SEC31B: variants seen among roughly 807,000 people sequenced by gnomAD.
SEC31B encodes the protein protein transport protein Sec31B.
In SEC31B, 113 loss-of-function variants were observed where a neutral mutation model predicts 135.0. That is an observed-to-expected ratio of 0.84 (90% CI 0.72 to 0.98). SEC31B has a LOEUF of 0.98. Among genes scored for constraint, SEC31B ranks in the 50% least tolerant of loss-of-function variants. SEC31B has a pLI of 0.00. For synonymous variants in SEC31B, 508 were observed against 549.4 expected (o/e 0.92, Z 1.05); for missense variants, 1,296 against 1,421.1 (o/e 0.91, Z 1.42).
chr10:100,488,820 G>A (rs753665519), intron 24 of SEC31B, 38 bp downstream of exon 24: 11 of 1,536,150 alleles, frequency 7.2e-6, no homozygotes, highest in Admixed American at 2.1e-5. Context: ...GCCAGCGAGG[G>A]GTGCGAGGAG....
rs537422751 is a variant in SEC31B, at chr10:100,502,172, G to C, written c.1410+82C>G. ...CTGTGATCTGGGTCCCAGTGTGCTT[G>C]TGCTTCTCCTGCAGTTGACAGAGGT... On this transcript the variant is annotated intron_variant, in intron 11 of 25. Coordinates refer to ENST00000370345, the MANE Select transcript of SEC31B (RefSeq NM_015490.4). 14 of 1,057,806 alleles carry C rather than the reference G, an allele frequency of 1.3e-5. No homozygotes were observed. The African/African-American group carries it at 1.4e-4, about 11-fold the overall frequency. The allele number at this position is 1,057,806 out of a possible 1,614,324, so 65.5% of individuals were successfully genotyped here. A position where few individuals can be genotyped will look rare whatever the true frequency, so the allele number is the denominator to read the frequency against.
chr10:100,508,884 T>C (rs1291136566), intron 5 of SEC31B, 123 bp downstream of exon 5: 1 of 731,890 alleles, frequency 1.4e-6, no homozygotes, highest in African/African-American at 1.8e-5. Flanking sequence ...TCTGTGGAGC[T>C]TTATTGCCCT....
At position 100,502,293 on chromosome 10, in the gene SEC31B, A is replaced by G. The variant is rs763122363; in HGVS notation, c.1371T>C (p.Ala457=). The change falls in exon 11 of 26, where the codon GCT becomes GCC. Residue 457 remains alanine (A), a synonymous_variant. Coordinates refer to ENST00000370345, the MANE Select transcript of SEC31B (RefSeq NM_015490.4). ...ACAGCATCTTTTCACTTTGCAGTAAAGCTTGCTGGCTCTTGTTCTGACAGT... is the reference window on the plus strand; with the variant it reads ...ACAGCATCTTTTCACTTTGCAGTAAGGCTTGCTGGCTCTTGTTCTGACAGT... ...LNYCQNKSQQ[A]LLQSEKMLWQ... 2 of 1,614,166 alleles carry G rather than the reference A, an allele frequency of 1.2e-6. No individual in the cohort carries two copies. The highest frequency in any genetic ancestry group is 1.7e-6 in the Non-Finnish European group (2 of 1,180,038).
Position 100,489,721 on chromosome 10 carries a change from T to C in SEC31B, c.3006A>G (p.Gly1002=). The C allele has an allele frequency of 1.9e-6, 3 of 1,614,054 alleles. No homozygotes were observed. Among genetic ancestry groups the C allele is most frequent in the Non-Finnish European group, 2.5e-6 (3 of 1,179,984 alleles). ...DSWKEAPAPR[G]NLQRNKLPET... is the part of the protein sequence containing the mutation. The stretch of plus-strand genomic sequence containing the variant: ...CATTGACCTTGTTCCTCTGGAGGTT[T>C]CCCCTGGGGGCTGGGGCTTCTTTCC... The change falls in exon 22 of 26, where the codon GGA becomes GGG. Residue 1002 remains glycine, a synonymous_variant. Coordinates refer to ENST00000370345, the MANE Select transcript of SEC31B (RefSeq NM_015490.4).
In SEC31B at chr10:100,499,578, G is replaced by A. The variant is rs1479188305; in HGVS notation, c.1431C>T (p.Ser477=). ...CTAAAAGCTTTAGGAATTTCATTCT[G>A]GAGTCTTGCTCTAAGGTCACCTAAG... ...QFLKVTLEQD[S]RMKFLKLLGY... The change falls in exon 12 of 26, where the codon TCC becomes TCT. Residue 477 remains serine (S), a synonymous_variant. Coordinates refer to ENST00000370345, the MANE Select transcript of SEC31B (RefSeq NM_015490.4). 1 of 1,611,586 alleles carries A rather than the reference G, an allele frequency of 6.2e-7. No individual in the cohort carries two copies. Among genetic ancestry groups the A allele is most frequent in the African/African-American group, 1.3e-5 (1 of 74,758 alleles).
At chr10:100,503,755 T>TTA (rs1851572977) in intron 10 of SEC31B, among the ~76,000 whole-genome samples, 2 of 151,758 alleles carry the variant, frequency 1.3e-5, no homozygotes, top group African/African-American at 4.8e-5. Context: ...TTTTTTTTTT[T>TTA]AATTTTTACT....
In SEC31B at chr10:100,507,485, A is replaced by C; in HGVS notation, c.722T>G (p.Ile241Ser). The change falls in exon 7 of 26, where the codon ATT (isoleucine) becomes AGT (serine). Residue 241 changes from isoleucine (I) to serine (S), a missense_variant. Physicochemically the swap from Ile to Ser is moderately radical, Grantham distance 142. Coordinates refer to ENST00000370345, the MANE Select transcript of SEC31B (RefSeq NM_015490.4). ...LCSEDDRLPVIQLWDLRFASS... is the reference protein window; with the variant it reads ...LCSEDDRLPVSQLWDLRFASS... ...GGCAAAGCGCAAGTCCCACAGCTGA[A>C]TCACGGGAAGTCGATCATCCTCTGA... The C allele has an allele frequency of 6.2e-7, 1 of 1,614,214 alleles. No individual in the cohort carries two copies. Among genetic ancestry groups the C allele is most frequent in the Admixed American group, 1.7e-5 (1 of 60,022 alleles).
chr10:100,516,347 A>G, intron 2 of SEC31B, 128 bp from the exon 3 acceptor site: 1 of 1,167,308 alleles, frequency 8.6e-7, no homozygotes, highest in Non-Finnish European at 1.2e-6. Flanking sequence ...AGGTAACTCC[A>G]CAAAAGCAAG....
chr10:100,507,924 C>T lies in SEC31B; in HGVS notation c.623G>A (p.Ser208Asn). The T allele has an allele frequency of 6.2e-7, 1 of 1,614,232 alleles. No individual in the cohort carries two copies. Among genetic ancestry groups the T allele is most frequent in the Non-Finnish European group, 8.5e-7 (1 of 1,180,042 alleles). ...AATACTCACCCTGTTGCTGTGATCA[C>T]TGACTTTGATGATAGGTTCATTCTT... ...LRKNEPIIKV[S>N]DHSNRMHCSG... The change falls in exon 6 of 26, where the codon AGT (serine) becomes AAT (asparagine). Residue 208 changes from serine (S) to asparagine (N), a missense_variant. Transcript: ENST00000370345.
At chr10:100,507,875 G>A in intron 6 of SEC31B, 33 bp downstream of exon 6, 3 of 1,613,670 alleles carry the variant, frequency 1.9e-6, no homozygotes, top group African/African-American at 2.7e-5. Flanking sequence ...AGAAGCCAGA[G>A]CCCAAGCCTG....
In SEC31B at chr10:100,489,251, C is replaced by A. The variant is rs1343791536; in HGVS notation, c.3171+1G>T. 1.2e-6 allele frequency: 2 copies of A among 1,605,926 alleles called. No individual in the cohort carries two copies. The highest frequency in any genetic ancestry group is 1.7e-6 in the Non-Finnish European group (2 of 1,177,234). On this transcript the variant is annotated splice_donor_variant, in intron 23 of 25. Transcript: ENST00000370345. LOFTEE classifies it high-confidence loss of function. ...GGAGGGGAATACATTGTCCTTGTCA[C>A]CTGCAGGCTGAGTTCTCCTGGAACT...
At chr10:100,488,514 A>C (rs1440424812) in intron 24 of SEC31B, among the ~76,000 whole-genome samples, 2 of 151,578 alleles carry the variant, frequency 1.3e-5, no homozygotes, top group Non-Finnish European at 2.9e-5. Context: ...GCTTCATTTC[A>C]CAGAGGAGGG....
rs1027916702 is a variant in SEC31B, at chr10:100,506,335, G to C, written c.868C>G (p.Leu290Val). The stretch of plus-strand genomic sequence containing the variant: ...GGCCAGCCTACCTCACTGCTCCCCA[G>C]GTTCCGGCACAAGATCTGGCTGTCC... ...AKDSQILCRN[L>V]GSSEVVYKLP... Residue 290 changes from leucine to valine, a missense_variant, in exon 8 of 26, where the codon CTG (leucine) becomes GTG (valine). Leu to Val is a conservative substitution (Grantham distance 32). Coordinates refer to ENST00000370345, the MANE Select transcript of SEC31B (RefSeq NM_015490.4). 3.1e-6 allele frequency: 5 copies of C among 1,614,144 alleles called. No individual in the cohort carries two copies. The highest frequency in any genetic ancestry group is 3.4e-6 in the Non-Finnish European group (4 of 1,180,030).
intron 20 of SEC31B, 23 bp downstream of exon 20, chr10:100,490,683 T>C (rs772010139): frequency 3.9e-6 from 6 of 1,546,262 alleles, no homozygotes; most frequent in Non-Finnish European, 5.2e-6. Context: ...TCTGCCCAGA[T>C]AGATCTTCAG....
intron 14 of SEC31B, 68 bp from the exon 15 acceptor site, chr10:100,498,275 C>T: frequency 7.1e-7 from 1 of 1,415,102 alleles, no homozygotes. Context: ...CCTGCAGGGC[C>T]CACAGCACAC....
At chr10:100,509,641 C>A (rs1851702910) in intron 3 of SEC31B, 130 bp from the exon 4 acceptor site, 2 of 665,906 alleles carry the variant, frequency 3.0e-6, no homozygotes, top group Non-Finnish European at 5.0e-6. Context: ...CTGTCTCCTT[C>A]ATTTCCCAGA....
At position 100,506,208 on chromosome 10, in the gene SEC31B, T is replaced by A. The variant is rs760474953; in HGVS notation, c.883-7A>T. 14 of 1,614,048 alleles carry A rather than the reference T, an allele frequency of 8.7e-6. No individual in the cohort carries two copies. The African/African-American group carries it at 1.9e-4, about 22-fold the overall frequency. On this transcript the variant is annotated splice_region_variant and splice_polypyrimidine_tract_variant and intron_variant, in intron 8 of 25. Transcript: ENST00000370345. ...TTGGTAGCTTATATACCACCTAATA[T>A]GAGGGAACACACCATTAGGGACAGT...
intron 22 of SEC31B, 136 bp downstream of exon 22, chr10:100,489,567 T>C (rs1179679347): frequency 1.3e-5 from 18 of 1,401,492 alleles, no homozygotes; most frequent in Non-Finnish European, 1.8e-5. Flanking sequence ...AAGAAGAGGG[T>C]TCTGAGGAAA....
At chr10:100,503,874 C>G (rs1488171618) in intron 10 of SEC31B, among the ~76,000 whole-genome samples, 1 of 151,806 alleles carries the variant, frequency 6.6e-6, no homozygotes, top group East Asian at 1.9e-4. Flanking sequence ...ATAACTATTG[C>G]TTTACTCCCT....
Sources: gnomAD v4.1 joint callset for allele counts (sites outside exome capture counted in the v4.1 genomes callset) on GRCh38, gnomAD v4.1.1 for gene constraint, MANE v1.5 for transcripts, NCBI Gene and HGNC (gene_info 2026-07-23, HGNC 2026-07-21) for gene names.